The following DMTF1 variants were observed in gnomAD, a reference collection of about 807,000 sequenced individuals.
DMTF1 encodes the protein cyclin D binding myb like transcription factor 1, also known as cyclin-D-binding Myb-like transcription factor 1.
DMTF1 carries 39 observed loss-of-function variants against 91.1 expected under a neutral mutation model. The observed-to-expected ratio is 0.43, with a 90% CI of 0.33 to 0.56. DMTF1 has a LOEUF of 0.56. Among genes scored for constraint, DMTF1 ranks in the 20% least tolerant of loss-of-function variants. DMTF1 has a pLI of 0.05. For synonymous variants in DMTF1, 338 were observed against 309.5 expected, an observed-to-expected ratio of 1.09 and a Z score of -0.97; for missense variants, 750 against 914.5, an observed-to-expected ratio of 0.82 and a Z score of 2.32.
chr7:87,185,782 T>G (rs772802785), intron 11 of DMTF1, 47 bp from the exon 12 acceptor site: 1 of 1,604,492 alleles, frequency 6.2e-7, no homozygotes, highest in East Asian at 2.2e-5. Context: ...GGGGTTCTTA[T>G]AGAGAAATTA....
intron 3 of DMTF1, among the ~76,000 whole-genome samples, chr7:87,165,458 A>G (rs1019705487): frequency 6.6e-6 from 1 of 152,106 alleles, no homozygotes; most frequent in Admixed American, 6.5e-5. Context: ...ATAGCTTTCC[A>G]GCTGATAATT....
chr7:87,171,384 C>A (rs541609135), intron 5 of DMTF1, among the ~76,000 whole-genome samples: 1 of 152,232 alleles, frequency 6.6e-6, no homozygotes, highest in African/African-American at 2.4e-5. Flanking sequence ...ACTTTAGACA[C>A]AAAATGGACA....
chr7:87,181,799 G>A (rs1797428904), intron 9 of DMTF1, among the ~76,000 whole-genome samples: 1 of 152,030 alleles, frequency 6.6e-6, no homozygotes, highest in South Asian at 2.1e-4. Context: ...CTTAAAGTAT[G>A]GTTTAATGAA....
chr7:87,194,471 C>T (rs1386772124), intron 16 of DMTF1: 2 of 512,880 alleles, frequency 3.9e-6, no homozygotes, highest in Non-Finnish European at 6.8e-6. Flanking sequence ...ATTCAGCTGA[C>T]CTATAACTGA....
At chr7:87,190,063 T>C (rs758454362) in intron 13 of DMTF1, among the ~76,000 whole-genome samples, 18 of 152,060 alleles carry the variant, frequency 1.2e-4, no homozygotes, top group Non-Finnish European at 2.6e-4. Context: ...ATATTTCACA[T>C]AATTTACCTA....
rs2129186289 is a variant in DMTF1 at position 87,190,995 on chromosome 7, A to G, written c.1462A>G (p.Ser488Gly). The G allele has an allele frequency of 2.5e-6, 4 of 1,609,784 alleles. No individual in the cohort carries two copies. In the East Asian group the frequency reaches 8.9e-5, roughly 36 times the overall value. Residue 488 changes from serine (S) to glycine (G), a missense_variant, in exon 14 of 18, where the codon AGT becomes GGT. Coordinates refer to ENST00000331242, the MANE Select transcript of DMTF1 (RefSeq NM_001142327.2). Reference sequence around the variant, plus strand: ...TGACTCAGAAACAATAACACTAAACAGTGGAACACTACAGACATTTGAGAT... The same window carrying G: ...TGACTCAGAAACAATAACACTAAACGGTGGAACACTACAGACATTTGAGAT... ...TVDSETITLN[S>G]GTLQTFEILP...
At chr7:87,153,233 T>C (rs1306294721) in intron 1 of DMTF1, among the ~76,000 whole-genome samples, 1 of 151,986 alleles carries the variant, frequency 6.6e-6, no homozygotes, top group African/African-American at 2.4e-5. Flanking sequence ...TCAGTCTGAC[T>C]CTCTTTAAAG....
intron 1 of DMTF1, chr7:87,154,233 A>G (rs920361175): frequency 5.2e-5 from 8 of 152,384 alleles, no homozygotes; most frequent in Admixed American, 4.6e-4. Context: ...TACAGAAAGC[A>G]CAAAAACCAG....
intron 12 of DMTF1, 94 bp from the exon 13 acceptor site, chr7:87,187,998 A>T: frequency 1.1e-6 from 1 of 895,628 alleles, no homozygotes; most frequent in Non-Finnish European, 1.8e-6. Context: ...TATTCCAAAT[A>T]CTTTCCCTCC....
rs781431560 is a variant in DMTF1, at chr7:87,185,978, C to T, written c.1199C>T (p.Pro400Leu). ...GCAAACCATAAGGATGTTTCGTTCC[C>T]TGGTAATGTATTACTTACTTTTTAA... ...QIANHKDVSF[P>L]VLIKGLKQLH... The change falls in exon 12 of 18, where the codon CCT becomes CTT. Residue 400 changes from proline (P) to leucine (L), a missense_variant and splice_region_variant. Physicochemically the swap from Pro to Leu is moderately conservative, Grantham distance 98. Transcript: ENST00000331242. The T allele has an allele frequency of 2.6e-5, 42 of 1,613,532 alleles. No homozygotes were observed. The highest frequency in any genetic ancestry group is 3.6e-5 in the Non-Finnish European group (42 of 1,179,738).
chr7:87,156,177 C>G (rs1790662552), intron 1 of DMTF1, among the ~76,000 whole-genome samples: 1 of 152,100 alleles, frequency 6.6e-6, no homozygotes, highest in Admixed American at 6.5e-5. Context: ...TTGTAAGCTC[C>G]TGAACCATGC....
intron 3 of DMTF1, among the ~76,000 whole-genome samples, 173 bp from the exon 4 acceptor site, chr7:87,166,310 A>G (rs779919844): frequency 6.6e-6 from 1 of 152,240 alleles, no homozygotes; most frequent in South Asian, 2.1e-4. Context: ...GCATTGCAGT[A>G]GGCATAGAAA....
chr7:87,156,792 G>A (rs1790850391), intron 1 of DMTF1, among the ~76,000 whole-genome samples: 1 of 152,104 alleles, frequency 6.6e-6, no homozygotes, highest in Admixed American at 6.5e-5. Flanking sequence ...TTCCTTAGAC[G>A]TTACTAAGCA....
rs1489889293 is a variant in DMTF1, at chr7:87,193,312, G to C, written c.1609G>C (p.Ala537Pro). ...TCCCACAGTAACCCTGACAGCTGCT[G>C]CTCCTGCTTCTCCTGAACAGATTAT... Reference protein sequence around the residue: ...ASPTVTLTAAAPASPEQIIVH... With the variant: ...ASPTVTLTAAPPASPEQIIVH... Residue 537 changes from alanine to proline, a missense_variant, in exon 15 of 18, where the codon GCT becomes CCT. This residue lies in a region of DMTF1 where 410 missense variants were observed against 420.2 expected (regional missense o/e 0.98). Coordinates refer to ENST00000331242, the MANE Select transcript of DMTF1 (RefSeq NM_001142327.2). 1.2e-6 allele frequency: 2 copies of C among 1,613,402 alleles called. No individual in the cohort carries two copies. Among genetic ancestry groups the C allele is most frequent in the East Asian group, 4.5e-5 (2 of 44,862 alleles).
At chr7:87,157,681 A>C (rs73206909) in intron 1 of DMTF1, among the ~76,000 whole-genome samples, 5,609 of 152,174 alleles carry the variant, frequency 0.037, 126 homozygotes, top group East Asian at 0.065. Flanking sequence ...TTCTGTGTTA[A>C]ATAACAGATC....
chr7:87,166,672 T>C, intron 4 of DMTF1, 67 bp downstream of exon 4: 1 of 1,501,354 alleles, frequency 6.7e-7, no homozygotes, highest in Non-Finnish European at 9.2e-7. Flanking sequence ...TCCAAGGCTT[T>C]CAGTTGGCAT....
At chr7:87,173,698 A>G in intron 6 of DMTF1, 49 bp downstream of exon 6, 1 of 1,240,946 alleles carries the variant, frequency 8.1e-7, no homozygotes, top group Admixed American at 1.9e-5. Context: ...AAATGGAGAT[A>G]GAAAGGGCTT....
intron 1 of DMTF1, among the ~76,000 whole-genome samples, chr7:87,161,293 T>G (rs1031023470): frequency 9.2e-5 from 14 of 152,102 alleles, no homozygotes; most frequent in African/African-American, 3.1e-4. Flanking sequence ...AGGTCAGGAG[T>G]TCGAGACCAG....
At chr7:87,171,202 C>A in intron 5 of DMTF1, 113 bp downstream of exon 5, 1 of 669,936 alleles carries the variant, frequency 1.5e-6, no homozygotes, top group Non-Finnish European at 2.5e-6. Context: ...TGGCACATGC[C>A]ACTGTGCCCA....
Sources: allele counts gnomAD v4.1 joint callset (sites outside exome capture counted in the v4.1 genomes callset), GRCh38; gene constraint gnomAD v4.1.1; regional missense constraint gnomAD v4.1.1; transcripts MANE v1.5; gene names NCBI Gene and HGNC (gene_info 2026-07-23, HGNC 2026-07-21).